The following LRRC1 variants were observed in gnomAD, a reference collection of about 807,000 sequenced individuals.
LRRC1 encodes leucine rich repeat containing 1.
In LRRC1, 28 loss-of-function variants were observed where a neutral mutation model predicts 69.9. The observed-to-expected ratio is 0.40, with a 90% CI of 0.30 to 0.55. The LOEUF is 0.55. LRRC1 is among the 20% of genes least tolerant of loss of function. The pLI, the probability that LRRC1 is intolerant of heterozygous loss-of-function variation, is 0.47. For synonymous variants in LRRC1, 236 were observed against 240.2 expected, an observed-to-expected ratio of 0.98 and a Z score of 0.16; for missense variants, 498 against 609.0, an observed-to-expected ratio of 0.82 and a Z score of 1.92.
At chr6:53,856,335 A>G (rs550344117) in intron 2 of LRRC1, among the ~76,000 whole-genome samples, 2 of 152,340 alleles carry the variant, frequency 1.3e-5, no homozygotes, top group South Asian at 4.1e-4. Flanking sequence ...TTAGGCCAGA[A>G]GGGTGGAAGG....
In LRRC1 at chr6:53,919,677, T is replaced by G. The variant is rs199544901; in HGVS notation, c.1279+7T>G. 2.5e-6 allele frequency: 4 copies of G among 1,611,594 alleles called. No individual in the cohort carries two copies. The highest frequency in any genetic ancestry group is 3.4e-6 in the Non-Finnish European group (4 of 1,179,054). On this transcript the variant is annotated splice_region_variant and intron_variant, in intron 12 of 13. Transcript: ENST00000370888. ...TCTGAACCTACTTGTCAAGGTGAAT[T>G]TAATTTAAGGACAGTATTCACAGGG...
chr6:53,806,609 G>A (rs562340130), intron 1 of LRRC1, among the ~76,000 whole-genome samples: 1 of 152,278 alleles, frequency 6.6e-6, no homozygotes, highest in East Asian at 1.9e-4. Flanking sequence ...CCTCTCTGAT[G>A]CTAATTTTAT....
intron 10 of LRRC1, 24 bp from the exon 11 acceptor site, chr6:53,913,830 G>A (rs1768486489): frequency 6.5e-7 from 1 of 1,528,314 alleles, no homozygotes; most frequent in Admixed American, 1.7e-5. Context: ...CTGGAAAAAA[G>A]ATGTATTTTC....
intron 1 of LRRC1, among the ~76,000 whole-genome samples, chr6:53,825,980 T>C (rs968065035): frequency 6.6e-6 from 1 of 151,894 alleles, no homozygotes; most frequent in African/African-American, 2.4e-5. Flanking sequence ...CTGAGTGTCC[T>C]TGAAGATTTT....
intron 1 of LRRC1, among the ~76,000 whole-genome samples, chr6:53,824,139 A>G (rs1441888807): frequency 6.6e-6 from 1 of 151,336 alleles, no homozygotes; most frequent in Non-Finnish European, 1.5e-5. Context: ...TTTTTTTTAC[A>G]ACCTCGCCAG....
chr6:53,854,801 A>G (rs772464573), intron 2 of LRRC1, among the ~76,000 whole-genome samples: 4 of 152,250 alleles, frequency 2.6e-5, no homozygotes, highest in Non-Finnish European at 5.9e-5. Flanking sequence ...TCATTTAACA[A>G]ATAGATATTC....
Position 53,923,765 on chromosome 6 carries a change from T to C in LRRC1, c.*972T>C, listed in dbSNP as rs1157714419. 3 of 152,548 alleles carry C rather than the reference T, an allele frequency of 2.0e-5. No homozygotes were observed. Among genetic ancestry groups the C allele is most frequent in the Non-Finnish European group, 4.4e-5 (3 of 68,016 alleles). The allele number at this position is 152,548 out of a possible 1,614,324, so 9.4% of individuals were successfully genotyped here. A position where few individuals can be genotyped will look rare whatever the true frequency, so the allele number is the denominator to read the frequency against. The stretch of plus-strand genomic sequence containing the variant: ...TTCAGACATTCAGTGGGCAAGTAAA[T>C]TATGGACTGCAAAATAATGATTTTT... On this transcript the variant is annotated 3_prime_UTR_variant, in exon 14 of 14. Coordinates refer to ENST00000370888, the MANE Select transcript of LRRC1 (RefSeq NM_018214.5).
intron 1 of LRRC1, among the ~76,000 whole-genome samples, chr6:53,796,880 C>T (rs1187732471): frequency 6.6e-6 from 1 of 152,128 alleles, no homozygotes; most frequent in Admixed American, 6.5e-5. Context: ...TCGTCAGCTC[C>T]CTCACTGCTT....
At chr6:53,825,451 G>C (rs546041813) in intron 1 of LRRC1, among the ~76,000 whole-genome samples, 1 of 152,304 alleles carries the variant, frequency 6.6e-6, no homozygotes, top group South Asian at 2.1e-4. Context: ...GTGTTATACT[G>C]CCACTGTTTT....
chr6:53,834,141 G>A (rs1037035576), intron 1 of LRRC1, among the ~76,000 whole-genome samples: 1 of 151,990 alleles, frequency 6.6e-6, no homozygotes, highest in Non-Finnish European at 1.5e-5. Flanking sequence ...ATCAAATTTT[G>A]TCTTCTGCTT....
chr6:53,909,376 A>G (rs1768339740), intron 10 of LRRC1, among the ~76,000 whole-genome samples: 1 of 152,206 alleles, frequency 6.6e-6, no homozygotes, highest in African/African-American at 2.4e-5. Flanking sequence ...AATCTGTGAT[A>G]CATCCATAGA....
At chr6:53,795,841 C>T (rs994629137) in intron 1 of LRRC1, among the ~76,000 whole-genome samples, 1 of 152,256 alleles carries the variant, frequency 6.6e-6, no homozygotes, top group Non-Finnish European at 1.5e-5. Flanking sequence ...GGGCGCGCCT[C>T]TCCTTTAGTC....
chr6:53,831,892 C>G (rs946690403), intron 1 of LRRC1, among the ~76,000 whole-genome samples: 1 of 152,216 alleles, frequency 6.6e-6, no homozygotes, highest in Non-Finnish European at 1.5e-5. Context: ...AAGGTATTCT[C>G]TCATGGATAA....
At chr6:53,868,183 C>G (rs1384750071) in intron 2 of LRRC1, among the ~76,000 whole-genome samples, 1 of 150,930 alleles carries the variant, frequency 6.6e-6, no homozygotes, top group Admixed American at 6.6e-5. Flanking sequence ...TTAAAACTAG[C>G]AAAAACCCTC....
chr6:53,817,129 C>T (rs1295457024), intron 1 of LRRC1, among the ~76,000 whole-genome samples: 1 of 152,128 alleles, frequency 6.6e-6, no homozygotes, highest in Non-Finnish European at 1.5e-5. Flanking sequence ...AGACACTTGT[C>T]TGATGACCCA....
rs139318724 is a variant in LRRC1, at chr6:53,865,533, G to A, written c.278-13460G>A. Among the ~76,000 whole-genome samples, 775 of 152,154 alleles carry A rather than the reference G, an allele frequency of 5.1e-3. 10 individuals carry two copies. Among genetic ancestry groups the A allele is most frequent in the African/African-American group, 0.017 (711 of 41,456 alleles). On this transcript the variant is annotated intron_variant, in intron 2 of 13. Transcript: ENST00000370888. Reference sequence around the variant, plus strand: ...TCTGGACCTCTTGATGGGACAGTTCGTGGAGTAGTTTTATTATTGAGGGTA... The same window carrying A: ...TCTGGACCTCTTGATGGGACAGTTCATGGAGTAGTTTTATTATTGAGGGTA...
At chr6:53,903,546 T>C (rs1768132081) in intron 9 of LRRC1, among the ~76,000 whole-genome samples, 1 of 152,190 alleles carries the variant, frequency 6.6e-6, no homozygotes, top group Non-Finnish European at 1.5e-5. Flanking sequence ...ATTTTTTTTT[T>C]ACTCTCTTTT....
intron 2 of LRRC1, among the ~76,000 whole-genome samples, chr6:53,876,017 A>T (rs1767056450): frequency 6.6e-6 from 1 of 152,136 alleles, no homozygotes; most frequent in Non-Finnish European, 1.5e-5. Flanking sequence ...TTTGTGGAAG[A>T]CAGTTGTATT....
At chr6:53,891,532 AAGAGGGAG>A (rs1767681205) in intron 4 of LRRC1, among the ~76,000 whole-genome samples, 2 of 151,936 alleles carry the variant, frequency 1.3e-5, no homozygotes, top group African/African-American at 4.8e-5. Flanking sequence ...AAAAAAAAAA[AAGAGGGAG>A]AGAGACTATA....
Sources: allele counts gnomAD v4.1 joint callset (sites outside exome capture counted in the v4.1 genomes callset), GRCh38; gene constraint gnomAD v4.1.1; transcripts MANE v1.5; gene names NCBI Gene and HGNC (gene_info 2026-07-23, HGNC 2026-07-21).